Variants in DLG2 observed in about 807,000 individuals in gnomAD.
The protein encoded by DLG2 is disks large homolog 2.
DLG2 carries 45 observed loss-of-function variants against 132.5 expected under a neutral mutation model. That is an observed-to-expected ratio of 0.34 (90% CI 0.27 to 0.44). The LOEUF is 0.44. DLG2 is among the 20% of genes least tolerant of loss of function. DLG2 has a pLI of 1.00. For missense variants in DLG2, 1,045 were observed against 1,196.9 expected (o/e 0.87, Z 1.87); for synonymous variants, 424 against 419.6 (o/e 1.01, Z -0.13).
chr11:83,860,693 T>A (rs564959737), intron 16 of DLG2, among the ~76,000 whole-genome samples: 1 of 152,096 alleles, frequency 6.6e-6, no homozygotes, highest in Non-Finnish European at 1.5e-5. Context: ...GGAGGCATGA[T>A]TGATTTTGAA....
chr11:85,465,317 A>T (rs2092751069), intron 3 of DLG2, among the ~76,000 whole-genome samples: 2 of 150,732 alleles, frequency 1.3e-5, no homozygotes, highest in Non-Finnish European at 3.0e-5. Context: ...ATTTTTTTTT[A>T]ATTATACTTT....
intron 7 of DLG2, among the ~76,000 whole-genome samples, chr11:84,454,075 C>T (rs2099058831): frequency 6.6e-6 from 1 of 151,490 alleles, no homozygotes; most frequent in Non-Finnish European, 1.5e-5. Context: ...CTGAGGTTGC[C>T]TCAGGGAAAA....
intron 21 of DLG2, among the ~76,000 whole-genome samples, chr11:83,484,802 C>G (rs1366695904): frequency 6.6e-6 from 1 of 152,040 alleles, no homozygotes; most frequent in African/African-American, 2.4e-5. Flanking sequence ...TAAATTAAAA[C>G]TGCACAAAGA....
intron 17 of DLG2, among the ~76,000 whole-genome samples, chr11:83,830,913 T>C (rs886478974): frequency 6.6e-6 from 1 of 152,174 alleles, no homozygotes; most frequent in African/African-American, 2.4e-5. Flanking sequence ...TGAATGCTGA[T>C]TGTAATGAAA....
intron 7 of DLG2, among the ~76,000 whole-genome samples, chr11:84,342,185 G>A (rs143167793): frequency 3.5e-4 from 53 of 152,186 alleles, no homozygotes; most frequent in African/African-American, 1.3e-3. Context: ...TCACTCTGGA[G>A]GCAGCACCCT....
intron 15 of DLG2, among the ~76,000 whole-genome samples, chr11:83,886,149 C>T (rs867134825): frequency 1.6e-4 from 24 of 152,148 alleles, no homozygotes; most frequent in African/African-American, 5.8e-4. Flanking sequence ...AAGACACAGA[C>T]TGGCAAATTG....
chr11:84,343,033 CA>C (rs1164682728), intron 7 of DLG2, among the ~76,000 whole-genome samples: 1 of 151,974 alleles, frequency 6.6e-6, no homozygotes, highest in Non-Finnish European at 1.5e-5. Flanking sequence ...GCAGTCTTAC[CA>C]AAAAATAATG....
chr11:84,326,140 G>A (rs149860295), intron 7 of DLG2, among the ~76,000 whole-genome samples: 9 of 151,102 alleles, frequency 6.0e-5, no homozygotes, highest in African/African-American at 2.2e-4. Flanking sequence ...TTTTTTATTG[G>A]TTAATCTAGC....
chr11:84,239,419 T>C (rs2097198792), intron 8 of DLG2, among the ~76,000 whole-genome samples: 1 of 152,092 alleles, frequency 6.6e-6, no homozygotes, highest in Admixed American at 6.5e-5. Flanking sequence ...TGACCTCAGG[T>C]GATCCTCCCA....
intron 3 of DLG2, among the ~76,000 whole-genome samples, chr11:85,338,879 T>A (rs138343470): frequency 1.7e-3 from 252 of 152,144 alleles, no homozygotes; most frequent in Admixed American, 0.015. Flanking sequence ...TAATCTTTTG[T>A]ACTTTTAGTA....
chr11:85,409,448 T>C (rs1007404598), intron 3 of DLG2, among the ~76,000 whole-genome samples: 2 of 151,690 alleles, frequency 1.3e-5, no homozygotes, highest in African/African-American at 2.4e-5. Flanking sequence ...AGCATTAAAA[T>C]AACAAATGCC....
At chr11:85,210,781 C>A (rs1223500468) in intron 4 of DLG2, among the ~76,000 whole-genome samples, 1 of 152,100 alleles carries the variant, frequency 6.6e-6, no homozygotes, top group African/African-American at 2.4e-5. Context: ...GGCTCAGGAA[C>A]TACCCATCAA....
At chr11:84,650,121 A>G (rs1221192479) in intron 6 of DLG2, among the ~76,000 whole-genome samples, 1 of 152,144 alleles carries the variant, frequency 6.6e-6, no homozygotes, top group Non-Finnish European at 1.5e-5. Flanking sequence ...AATTACATCT[A>G]TTCATTCCAT....
In DLG2 at chr11:84,703,881, T is replaced by TATATATATATATATATATATATATAC. The variant is rs1039735623; in HGVS notation, c.358-169151_358-169150insGTATATATATATATATATATATATAT. On this transcript the variant is annotated intron_variant, in intron 6 of 27. Transcript: ENST00000376104. ...AGATATATATATATATATATATATA[T>TATATATATATATATATATATATATAC]ATACACGTGTGTGTGTGTGTGTGTG... Among the ~76,000 whole-genome samples, 157 of 122,642 alleles carry TATATATATATATATATATATATATAC rather than the reference T, an allele frequency of 1.3e-3. 3 individuals carry two copies. Among genetic ancestry groups the TATATATATATATATATATATATATAC allele is most frequent in the East Asian group, 6.6e-3 (26 of 3,966 alleles). 80.5% of individuals were successfully genotyped at this position (122,642 alleles called of 152,430 possible). A position where few individuals can be genotyped will look rare whatever the true frequency, so the allele number is the denominator to read the frequency against.
intron 7 of DLG2, among the ~76,000 whole-genome samples, chr11:84,521,061 A>G (rs1392315295): frequency 6.6e-6 from 1 of 152,196 alleles, no homozygotes; most frequent in Non-Finnish European, 1.5e-5. Context: ...AAACTATCTC[A>G]TCAGAATTTA....
intron 6 of DLG2, among the ~76,000 whole-genome samples, chr11:84,848,704 TTAAATC>T (rs1239971291): frequency 6.6e-6 from 1 of 152,116 alleles, no homozygotes; most frequent in Non-Finnish European, 1.5e-5. Context: ...ATCTTGGACT[TTAAATC>T]TATGCCTGCT....
intron 6 of DLG2, among the ~76,000 whole-genome samples, chr11:84,872,310 T>C (rs185954520): frequency 1.4e-3 from 213 of 152,278 alleles, no homozygotes; most frequent in African/African-American, 4.1e-3. Context: ...AATTAATTAG[T>C]AGAGGAATAT....
At chr11:84,829,554 G>A (rs888038345) in intron 6 of DLG2, among the ~76,000 whole-genome samples, 9 of 151,614 alleles carry the variant, frequency 5.9e-5, no homozygotes, top group African/African-American at 9.7e-5. Context: ...GAAAGACCAC[G>A]GGCTTAACAG....
rs545122900 is a variant in DLG2 at position 83,981,591 on chromosome 11, G to A, written c.920-949C>T. The stretch of plus-strand genomic sequence containing the variant: ...TGAGTAGCTGGGATAACAGGCACAC[G>A]CCACCATGTCTGACTACTTTTTTAA... On this transcript the variant is annotated intron_variant, in intron 11 of 27. Coordinates refer to ENST00000376104, the MANE Select transcript of DLG2 (RefSeq NM_001142699.3). Among the ~76,000 whole-genome samples the A allele has an allele frequency of 6.6e-5, 10 of 152,076 alleles. No individual in the cohort carries two copies. The South Asian group carries it at 1.9e-3, about 29-fold the overall frequency.
Sources: allele counts gnomAD v4.1 joint callset (sites outside exome capture counted in the v4.1 genomes callset), GRCh38; gene constraint gnomAD v4.1.1; transcripts MANE v1.5; gene names NCBI Gene and HGNC (gene_info 2026-07-23, HGNC 2026-07-21).